Variants in TP63 observed in about 807,000 individuals in gnomAD.
TP63 encodes tumor protein p63.
TP63 carries 17 observed loss-of-function variants against 82.8 expected under a neutral mutation model. That is an observed-to-expected ratio of 0.21 (90% CI 0.14 to 0.31). The LOEUF is 0.31. Ranked by LOEUF, TP63 falls within the 10% of genes least tolerant of loss-of-function variation. The pLI is 1.00. For synonymous variants in TP63, 330 were observed against 321.7 expected, an observed-to-expected ratio of 1.03 and a Z score of -0.28; for missense variants, 648 against 895.3, an observed-to-expected ratio of 0.72 and a Z score of 3.52.
intron 1 of TP63, among the ~76,000 whole-genome samples, chr3:189,672,712 G>GGAAGGAAGGAAGGAAGGAAA (rs1715033109): frequency 1.1e-4 from 15 of 140,030 alleles, no homozygotes; most frequent in Middle Eastern, 7.7e-3. Flanking sequence ...AAGGAAAGAA[G>GGAAGGAAGGAAGGAAGGAAA]GAAGGCAGGC....
At chr3:189,847,735 A>G (rs73199761) in intron 4 of TP63, among the ~76,000 whole-genome samples, 19,706 of 152,186 alleles carry the variant, frequency 0.13, 1,391 homozygotes, top group Middle Eastern at 0.17. Flanking sequence ...TCTTAAAGCA[A>G]TGAGTGGGCA....
chr3:189,881,165 A>C (rs1043198126), intron 10 of TP63: 1 of 982,556 alleles, frequency 1.0e-6, no homozygotes, highest in Non-Finnish European at 1.2e-6. Flanking sequence ...TGTTCAGTGC[A>C]TTTAGCCAGG....
chr3:189,717,807 G>T (rs1292863572), intron 1 of TP63, among the ~76,000 whole-genome samples: 2 of 152,084 alleles, frequency 1.3e-5, no homozygotes, highest in Non-Finnish European at 2.9e-5. Flanking sequence ...ATTGGACCCA[G>T]CCTCCAAAAG....
chr3:189,876,338 G>A (rs967077577), intron 10 of TP63, among the ~76,000 whole-genome samples: 1 of 151,888 alleles, frequency 6.6e-6, no homozygotes, highest in East Asian at 1.9e-4. Context: ...TTGTCTGACC[G>A]GCTCACATTG....
At position 189,697,984 on chromosome 3, in the gene TP63, A is replaced by G. The variant is rs541110999; in HGVS notation, c.63-39756A>G. Among the ~76,000 whole-genome samples, 7 of 152,186 alleles carry G rather than the reference A, an allele frequency of 4.6e-5. No homozygotes were observed. In the South Asian group the frequency reaches 1.4e-3, roughly 32 times the overall value. On this transcript the variant is annotated intron_variant, in intron 1 of 13. Coordinates refer to ENST00000264731, the MANE Select transcript of TP63 (RefSeq NM_003722.5). Reference sequence around the variant, plus strand: ...AATCATGTCATCTGTGAATAAAACCAGTTTTATATATTTCTTCTCAATTTG... The same window carrying G: ...AATCATGTCATCTGTGAATAAAACCGGTTTTATATATTTCTTCTCAATTTG...
At chr3:189,610,110 A>G in the TP63 span, among the ~76,000 whole-genome samples, 1 of 152,068 alleles carries the variant, frequency 6.6e-6, no homozygotes, top group Non-Finnish European at 1.5e-5. Flanking sequence ...AATGATTTGC[A>G]TTTCTCTAAT....
intron 4 of TP63, among the ~76,000 whole-genome samples, chr3:189,845,611 T>C (rs535822323): frequency 6.6e-6 from 1 of 151,768 alleles, no homozygotes; most frequent in Admixed American, 6.6e-5. Context: ...TGTTCGTTGG[T>C]GTATTTAAGC....
At chr3:189,738,937 A>G in intron 3 of TP63, 163 bp downstream of exon 3, 1 of 1,078,838 alleles carries the variant, frequency 9.3e-7, no homozygotes, top group East Asian at 2.6e-5. Flanking sequence ...GGTGTGGATT[A>G]TGCATTCTGG....
At chr3:189,711,627 A>G (rs913160041) in intron 1 of TP63, among the ~76,000 whole-genome samples, 7 of 152,186 alleles carry the variant, frequency 4.6e-5, no homozygotes, top group Non-Finnish European at 4.4e-5. Context: ...TAGAGGGAAG[A>G]ATGCAAACAA....
intron 3 of TP63, among the ~76,000 whole-genome samples, chr3:189,741,899 A>G (rs1721013418): frequency 6.6e-6 from 1 of 152,130 alleles, no homozygotes; most frequent in Non-Finnish European, 1.5e-5. Context: ...AAAATTTGAC[A>G]TTTTAGTCTG....
At chr3:189,802,344 CTG>C (rs1379194127) in intron 3 of TP63, among the ~76,000 whole-genome samples, 1 of 152,216 alleles carries the variant, frequency 6.6e-6, no homozygotes, top group Admixed American at 6.5e-5. Context: ...GCTGAGGAAA[CTG>C]TATGTGCTGC....
intron 1 of TP63, among the ~76,000 whole-genome samples, chr3:189,651,545 CAAAA>C (rs71173298): frequency 0.56 from 66,871 of 118,402 alleles, 19,757 homozygotes; most frequent in Middle Eastern, 0.75. Flanking sequence ...GATTCCATAT[CAAAA>C]AAAAAAAAAA....
intron 4 of TP63, among the ~76,000 whole-genome samples, chr3:189,838,159 T>A (rs1442845463): frequency 6.6e-6 from 1 of 152,126 alleles, no homozygotes; most frequent in South Asian, 2.1e-4. Flanking sequence ...CCTCCTTTTC[T>A]CTTTCTTCCT....
chr3:189,598,619 A>G, the TP63 span, among the ~76,000 whole-genome samples: 1 of 152,220 alleles, frequency 6.6e-6, no homozygotes, highest in Non-Finnish European at 1.5e-5. Context: ...CACCTTTGAG[A>G]TCCGGATATC....
intron 4 of TP63, among the ~76,000 whole-genome samples, chr3:189,859,707 T>C (rs1201986133): frequency 6.6e-6 from 1 of 152,162 alleles, no homozygotes; most frequent in Non-Finnish European, 1.5e-5. Context: ...AAAATGGAAA[T>C]GTACATCCTC....
chr3:189,820,225 G>A (rs1040960581), intron 4 of TP63, among the ~76,000 whole-genome samples: 1 of 152,162 alleles, frequency 6.6e-6, no homozygotes, highest in African/African-American at 2.4e-5. Context: ...GATGTAGATG[G>A]GGACAAGAAA....
chr3:189,664,604 AT>A (rs1560094387), intron 1 of TP63, among the ~76,000 whole-genome samples: 2 of 151,864 alleles, frequency 1.3e-5, no homozygotes, highest in South Asian at 2.1e-4. Context: ...TTCAGTTTTT[AT>A]TTTTTTTCCT....
intron 4 of TP63, among the ~76,000 whole-genome samples, chr3:189,858,511 A>G (rs1716601451): frequency 6.6e-6 from 1 of 152,186 alleles, no homozygotes; most frequent in Non-Finnish European, 1.5e-5. Context: ...ATAGTGGCTC[A>G]TGCCTGTAAT....
chr3:189,679,654 C>T (rs1202697807), intron 1 of TP63, among the ~76,000 whole-genome samples: 1 of 151,996 alleles, frequency 6.6e-6, no homozygotes, highest in Non-Finnish European at 1.5e-5. Context: ...CATATGTCTA[C>T]TCTGGCTTTT....
Sources: allele counts gnomAD v4.1 joint callset (sites outside exome capture counted in the v4.1 genomes callset), GRCh38; gene constraint gnomAD v4.1.1; transcripts MANE v1.5; gene names NCBI Gene and HGNC (gene_info 2026-07-23, HGNC 2026-07-21).